Variants in EFR3A observed in about 807,000 individuals in gnomAD.
EFR3A encodes protein EFR3 homolog A.
Under a neutral mutation model 104.4 loss-of-function variants are expected in EFR3A, and 76 were observed. The observed-to-expected ratio is 0.73, with a 90% CI of 0.60 to 0.88. EFR3A has a LOEUF of 0.88. EFR3A is among the 40% of genes least tolerant of loss of function. The pLI is 0.00. For synonymous variants in EFR3A, 330 were observed against 330.0 expected, an observed-to-expected ratio of 1.00 and a Z score of 0.00; for missense variants, 985 against 1,012.5, an observed-to-expected ratio of 0.97 and a Z score of 0.37.
chr8:131,962,231 G>C (rs1007598703), intron 8 of EFR3A, among the ~76,000 whole-genome samples: 1 of 152,122 alleles, frequency 6.6e-6, no homozygotes, highest in Non-Finnish European at 1.5e-5. Flanking sequence ...AATGTAAATG[G>C]GCTAAATGCT....
intron 14 of EFR3A, among the ~76,000 whole-genome samples, chr8:131,982,858 CAA>C (rs1243066757): frequency 6.6e-5 from 10 of 152,000 alleles, no homozygotes; most frequent in African/African-American, 2.4e-4. Context: ...ACGAGAGAGA[CAA>C]ACTCTAGATT....
Position 131,960,342 on chromosome 8 carries a change from A to G in EFR3A, c.855+679A>G, listed in dbSNP as rs563240909. On this transcript the variant is annotated intron_variant, in intron 8 of 22. Transcript: ENST00000254624. ...TTGTCGGATTCAAAACCCCACGTAT[A>G]TGGGGGCTGATTTTTTTCCTCACAG... Among the ~76,000 whole-genome samples, 278 of 152,048 alleles carry G rather than the reference A, an allele frequency of 1.8e-3. 2 individuals are homozygous for G. The highest frequency in any genetic ancestry group is 6.5e-3 in the African/African-American group (270 of 41,536).
chr8:131,939,882 T>G (rs1818078365), intron 1 of EFR3A: 1 of 152,192 alleles, frequency 6.6e-6, no homozygotes. Flanking sequence ...TTCATCTGAG[T>G]TTGTCCTGGT....
At chr8:131,969,526 T>TG (rs1563675864) in intron 9 of EFR3A, among the ~76,000 whole-genome samples, 248 of 133,256 alleles carry the variant, frequency 1.9e-3, no homozygotes, top group African/African-American at 7.8e-3. Flanking sequence ...TTGTGTGTGT[T>TG]TTTTTTTTTT....
At position 131,949,523 on chromosome 8, in the gene EFR3A, G is replaced by T. The variant is rs568209871; in HGVS notation, c.367-446G>T. 1.8e-3 allele frequency among the ~76,000 whole-genome samples: 279 copies of T among 152,136 alleles called. 2 individuals are homozygous for T. The highest frequency in any genetic ancestry group is 6.5e-3 in the African/African-American group (271 of 41,508). On this transcript the variant is annotated intron_variant, in intron 4 of 22. Transcript: ENST00000254624. Reference sequence around the variant, plus strand: ...GTTTATTATTAAAAAGTTTCTTTTGGGTTGGTGCAGTGGTTCATGCCTATA... The same window carrying T: ...GTTTATTATTAAAAAGTTTCTTTTGTGTTGGTGCAGTGGTTCATGCCTATA...
chr8:131,907,487 G>A (rs967941536), intron 1 of EFR3A, among the ~76,000 whole-genome samples: 1 of 152,108 alleles, frequency 6.6e-6, no homozygotes, highest in African/African-American at 2.4e-5. Context: ...TGTGTTGAAT[G>A]CTTTCTTTTC....
At chr8:132,005,813 G>A (rs1822013997) in intron 22 of EFR3A, among the ~76,000 whole-genome samples, 3 of 152,110 alleles carry the variant, frequency 2.0e-5, no homozygotes, top group Admixed American at 2.0e-4. Flanking sequence ...ACAGAATATA[G>A]ATTCTTTTGA....
chr8:131,909,933 T>C (rs1165019045), intron 1 of EFR3A, among the ~76,000 whole-genome samples: 1 of 152,208 alleles, frequency 6.6e-6, no homozygotes, highest in Non-Finnish European at 1.5e-5. Context: ...CTGGCCTGCT[T>C]TCCCATGCAG....
At chr8:131,927,435 G>C (rs943858483) in intron 1 of EFR3A, among the ~76,000 whole-genome samples, 1 of 152,122 alleles carries the variant, frequency 6.6e-6, no homozygotes, top group Non-Finnish European at 1.5e-5. Context: ...CTAGGTTACT[G>C]TTCCCCAAAC....
chr8:131,959,402 G>T (rs948944127), intron 7 of EFR3A, among the ~76,000 whole-genome samples, 183 bp from the exon 8 acceptor site: 2 of 152,110 alleles, frequency 1.3e-5, no homozygotes, highest in Non-Finnish European at 2.9e-5. Context: ...CCACAGCATT[G>T]CTTTAGAAAT....
At position 131,955,906 on chromosome 8, in the gene EFR3A, G is replaced by A. The variant is rs769876216; in HGVS notation, c.776+1G>A. Reference sequence around the variant, plus strand: ...ATAATGCTGTTAGACCAGTTTTTGCGTAAGTAGTTGGTGTTTTCCTGGTTA... The same window carrying A: ...ATAATGCTGTTAGACCAGTTTTTGCATAAGTAGTTGGTGTTTTCCTGGTTA... On this transcript the variant is annotated splice_donor_variant, in intron 7 of 22. Coordinates refer to ENST00000254624, the MANE Select transcript of EFR3A (RefSeq NM_015137.6). LOFTEE classifies it high-confidence loss of function. The A allele has an allele frequency of 4.3e-6, 7 of 1,612,240 alleles. No homozygotes were observed. Among genetic ancestry groups the A allele is most frequent in the South Asian group, 1.1e-5 (1 of 90,800 alleles).
At chr8:131,960,751 G>A (rs1038234518) in intron 8 of EFR3A, among the ~76,000 whole-genome samples, 4 of 152,116 alleles carry the variant, frequency 2.6e-5, no homozygotes, top group African/African-American at 4.8e-5. Flanking sequence ...TCTGGTAAAG[G>A]GAAAGTATTT....
At position 131,953,995 on chromosome 8, in the gene EFR3A, C is replaced by A. The variant is rs569058820; in HGVS notation, c.638+28C>A. 8 of 1,498,690 alleles carry A rather than the reference C, an allele frequency of 5.3e-6. No individual in the cohort carries two copies. The East Asian group carries it at 2.0e-4, about 37-fold the overall frequency. The allele number at this position is 1,498,690 out of a possible 1,614,324, so 92.8% of individuals were successfully genotyped here. On this transcript the variant is annotated intron_variant, in intron 6 of 22. Transcript: ENST00000254624. ...ATTTAAAAAAATATTAGTGTTGAGA[C>A]AGTGTTACTTTTATATATATGTATG...
At chr8:131,968,552 A>C (rs1819887649) in intron 9 of EFR3A, 122 bp downstream of exon 9, 1 of 1,109,856 alleles carries the variant, frequency 9.0e-7, no homozygotes, top group African/African-American at 1.6e-5. Flanking sequence ...GGTGTACAAT[A>C]ATTTTTTTTG....
chr8:131,996,253 G>A (rs1821479033), intron 18 of EFR3A, 153 bp from the exon 19 acceptor site: 6 of 483,420 alleles, frequency 1.2e-5, no homozygotes, highest in Non-Finnish European at 2.2e-5. Flanking sequence ...AAAAGTCCGA[G>A]AACACGCTGC....
chr8:131,986,178 T>C lies in EFR3A; in HGVS notation c.1870-16T>C, dbSNP rs1441714888. 2 of 1,508,068 alleles carry C rather than the reference T, an allele frequency of 1.3e-6. No individual in the cohort carries two copies. Among genetic ancestry groups the C allele is most frequent in the African/African-American group, 1.4e-5 (1 of 72,108 alleles). The allele number at this position is 1,508,068 out of a possible 1,614,324, so 93.4% of individuals were successfully genotyped here. A position where few individuals can be genotyped will look rare whatever the true frequency, so the allele number is the denominator to read the frequency against. Reference sequence around the variant, plus strand: ...TAGGGTTTTTGATTTTTGTTCTGTTTTTGAATATTTTTTAGGTTATTGAAA... The same window carrying C: ...TAGGGTTTTTGATTTTTGTTCTGTTCTTGAATATTTTTTAGGTTATTGAAA... On this transcript the variant is annotated splice_polypyrimidine_tract_variant and intron_variant, in intron 16 of 22. Transcript: ENST00000254624.
chr8:131,935,441 A>G (rs1171606527), intron 1 of EFR3A: 2 of 403,216 alleles, frequency 5.0e-6, no homozygotes, highest in African/African-American at 4.2e-5. Context: ...AGGTGCTGTG[A>G]TAGAAATATA....
rs906897694 is a variant in EFR3A at position 131,989,938 on chromosome 8, G to A, written c.2065+2236G>A. ...CTTATCTCTTATCAACCTAGAATTCGAATGAATAGTGTATGTTTAGGCCTG... is the reference window on the plus strand; with the variant it reads ...CTTATCTCTTATCAACCTAGAATTCAAATGAATAGTGTATGTTTAGGCCTG... On this transcript the variant is annotated intron_variant, in intron 18 of 22. Coordinates refer to ENST00000254624, the MANE Select transcript of EFR3A (RefSeq NM_015137.6). Among the ~76,000 whole-genome samples, 98 of 152,290 alleles carry A rather than the reference G, an allele frequency of 6.4e-4. 1 individual carries two copies. Among genetic ancestry groups the A allele is most frequent in the Middle Eastern group, 3.4e-3 (1 of 294 alleles).
intron 22 of EFR3A, among the ~76,000 whole-genome samples, chr8:132,005,425 T>C (rs1166015455): frequency 6.6e-6 from 1 of 150,788 alleles, no homozygotes; most frequent in Admixed American, 6.6e-5. Context: ...CTGAGTATGG[T>C]TAAAAAAAAA....
Sources: gnomAD v4.1 joint callset for allele counts (sites outside exome capture counted in the v4.1 genomes callset) on GRCh38, gnomAD v4.1.1 for gene constraint, MANE v1.5 for transcripts, NCBI Gene and HGNC (gene_info 2026-07-23, HGNC 2026-07-21) for gene names.